KCNB2: variants seen among roughly 807,000 people sequenced by gnomAD.
KCNB2 encodes the protein delayed rectifier potassium channel protein.
Under a neutral mutation model 61.5 loss-of-function variants are expected in KCNB2, and 15 were observed. The observed-to-expected ratio is 0.24, with a 90% CI of 0.16 to 0.38. The LOEUF (loss-of-function observed/expected upper bound fraction) is 0.38. Ranked by LOEUF, KCNB2 falls within the 10% of genes least tolerant of loss-of-function variation. The pLI is 1.00. For synonymous variants in KCNB2, 457 were observed against 446.0 expected, an observed-to-expected ratio of 1.02 and a Z score of -0.31; for missense variants, 828 against 1,125.2, an observed-to-expected ratio of 0.74 and a Z score of 3.78.
At chr8:72,549,925 G>A (rs1806318691) in intron 1 of KCNB2, among the ~76,000 whole-genome samples, 1 of 152,196 alleles carries the variant, frequency 6.6e-6, no homozygotes, top group Non-Finnish European at 1.5e-5. Flanking sequence ...AGATGTCACT[G>A]CTCCTAAAAA....
chr8:72,803,228 C>T (rs1809159915), intron 2 of KCNB2, among the ~76,000 whole-genome samples: 1 of 152,122 alleles, frequency 6.6e-6, no homozygotes, highest in Admixed American at 6.5e-5. Context: ...GGGCTGGACC[C>T]CCAAGAGCCA....
chr8:72,544,866 G>T (rs1806236943), intron 1 of KCNB2, among the ~76,000 whole-genome samples: 1 of 152,146 alleles, frequency 6.6e-6, no homozygotes, highest in Admixed American at 6.5e-5. Flanking sequence ...CATTGTGGAA[G>T]AGAATGAACA....
chr8:72,823,014 A>C (rs1325810808), intron 2 of KCNB2, among the ~76,000 whole-genome samples: 15 of 146,598 alleles, frequency 1.0e-4, no homozygotes, highest in African/African-American at 3.5e-4. Flanking sequence ...GTGGCTCACC[A>C]CTATTTTCCT....
At chr8:72,594,941 A>G (rs1408285116) in intron 2 of KCNB2, among the ~76,000 whole-genome samples, 1 of 152,198 alleles carries the variant, frequency 6.6e-6, no homozygotes, top group Non-Finnish European at 1.5e-5. Flanking sequence ...ACACCAAGCC[A>G]ACAGAGGAGA....
At chr8:72,571,883 G>A (rs1370170993) in intron 2 of KCNB2, among the ~76,000 whole-genome samples, 2 of 152,174 alleles carry the variant, frequency 1.3e-5, no homozygotes, top group South Asian at 2.1e-4. Context: ...CCAGGCCAGG[G>A]CAATTTAGTC....
intron 2 of KCNB2, among the ~76,000 whole-genome samples, chr8:72,643,877 C>G (rs539730169): frequency 6.6e-6 from 1 of 151,918 alleles, no homozygotes; most frequent in African/African-American, 2.4e-5. Context: ...AAATATGAAC[C>G]CTTCAAAAAA....
chr8:72,645,166 A>G (rs989113226), intron 2 of KCNB2, among the ~76,000 whole-genome samples: 13 of 152,110 alleles, frequency 8.5e-5, no homozygotes, highest in African/African-American at 3.1e-4. Context: ...ACCATCTCCA[A>G]TATGGAATGA....
chr8:72,805,560 T>C (rs1449429666), intron 2 of KCNB2, among the ~76,000 whole-genome samples: 1 of 152,210 alleles, frequency 6.6e-6, no homozygotes, highest in Non-Finnish European at 1.5e-5. Flanking sequence ...CAAATAAAGA[T>C]CTTGGGAAAG....
chr8:72,632,296 C>A (rs1200060285), intron 2 of KCNB2, among the ~76,000 whole-genome samples: 1 of 152,022 alleles, frequency 6.6e-6, no homozygotes, highest in Non-Finnish European at 1.5e-5. Flanking sequence ...AATATTATTT[C>A]ATGAAGTGAA....
intron 2 of KCNB2, among the ~76,000 whole-genome samples, chr8:72,925,375 T>C (rs1387661889): frequency 6.6e-6 from 1 of 152,240 alleles, no homozygotes; most frequent in Non-Finnish European, 1.5e-5. Flanking sequence ...CTAGTATAAA[T>C]AGGTCCTTAA....
chr8:72,541,329 A>G (rs1806184847), intron 1 of KCNB2, among the ~76,000 whole-genome samples: 4 of 152,106 alleles, frequency 2.6e-5, no homozygotes, highest in South Asian at 2.1e-4. Context: ...CATTTTACAA[A>G]TATTATTTTC....
At chr8:72,550,123 C>T (rs1485113817) in intron 1 of KCNB2, among the ~76,000 whole-genome samples, 2 of 152,206 alleles carry the variant, frequency 1.3e-5, no homozygotes, top group Non-Finnish European at 2.9e-5. Flanking sequence ...ATGGATGATT[C>T]CAAAAGACAG....
rs144130715 is a variant in KCNB2 at position 72,812,208 on chromosome 8, C to T, written c.580-123727C>T. The stretch of plus-strand genomic sequence containing the variant: ...ACCGGGACCTGGGAGGCGGAGGTTA[C>T]AGTGAGCAGAGATCGCACCACTGCC... On this transcript the variant is annotated intron_variant, in intron 2 of 2. Coordinates refer to ENST00000523207, the MANE Select transcript of KCNB2 (RefSeq NM_004770.3). Among the ~76,000 whole-genome samples, 783 of 151,898 alleles carry T rather than the reference C, an allele frequency of 5.2e-3. 3 individuals are homozygous for T. The highest frequency in any genetic ancestry group is 0.016 in the African/African-American group (680 of 41,386).
At chr8:72,676,333 G>A (rs1261488927) in intron 2 of KCNB2, among the ~76,000 whole-genome samples, 1 of 151,962 alleles carries the variant, frequency 6.6e-6, no homozygotes, top group African/African-American at 2.4e-5. Context: ...TTGTACCTCT[G>A]TTCTGGGTTG....
intron 2 of KCNB2, chr8:72,750,129 A>T (rs1808163950): frequency 6.6e-6 from 1 of 152,184 alleles, no homozygotes; most frequent in East Asian, 1.9e-4. Flanking sequence ...GTGACTCTAC[A>T]TGGTCACAAC....
At chr8:72,909,665 G>T (rs1806249885) in intron 2 of KCNB2, among the ~76,000 whole-genome samples, 1 of 152,130 alleles carries the variant, frequency 6.6e-6, no homozygotes, top group Admixed American at 6.6e-5. Context: ...GGGGGGAAAT[G>T]ATGGCAGTCC....
At chr8:72,923,432 T>C (rs1405659601) in intron 2 of KCNB2, among the ~76,000 whole-genome samples, 2 of 152,186 alleles carry the variant, frequency 1.3e-5, no homozygotes, top group African/African-American at 4.8e-5. Context: ...ATCTGTCATG[T>C]TGGTATCTTA....
At chr8:72,648,513 A>G (rs1487759111) in intron 2 of KCNB2, among the ~76,000 whole-genome samples, 2 of 149,588 alleles carry the variant, frequency 1.3e-5, no homozygotes, top group East Asian at 3.9e-4. Flanking sequence ...GGCTCAAGCC[A>G]TCCTCCTGCC....
chr8:72,680,867 G>A (rs971979398), intron 2 of KCNB2, among the ~76,000 whole-genome samples: 1 of 152,142 alleles, frequency 6.6e-6, no homozygotes, highest in African/African-American at 2.4e-5. Flanking sequence ...TCTCTGAGCT[G>A]CACCTTCTTC....
Sources: gnomAD v4.1 joint callset for allele counts (sites outside exome capture counted in the v4.1 genomes callset) on GRCh38, gnomAD v4.1.1 for gene constraint, MANE v1.5 for transcripts, NCBI Gene and HGNC (gene_info 2026-07-23, HGNC 2026-07-21) for gene names.